The following PCDHGA5 variants were observed in gnomAD, a reference collection of about 807,000 sequenced individuals.
The protein encoded by PCDHGA5 is protocadherin gamma subfamily A, 5.
PCDHGA5 carries 36 observed loss-of-function variants against 56.7 expected under a neutral mutation model. That is an observed-to-expected ratio of 0.64 (90% CI 0.49 to 0.84). PCDHGA5 has a LOEUF of 0.84. Among genes scored for constraint, PCDHGA5 ranks in the 40% least tolerant of loss-of-function variants. The probability of loss-of-function intolerance (pLI) is 0.00; values close to 1 mark genes in which losing one functional copy is unlikely to be tolerated. For missense variants in PCDHGA5, 1,305 were observed against 1,201.5 expected, an observed-to-expected ratio of 1.09 and a Z score of -1.27; for synonymous variants, 563 against 520.2, an observed-to-expected ratio of 1.08 and a Z score of -1.12.
At chr5:141,398,675 A>C (rs1462726875) in intron 1 of PCDHGA5, 1 of 1,613,974 alleles carries the variant, frequency 6.2e-7, no homozygotes, top group Non-Finnish European at 8.5e-7. Flanking sequence ...TTAATAATTA[A>C]GGAGAAACAG....
chr5:141,498,737 G>A (rs1176793634), intron 2 of PCDHGA5, among the ~76,000 whole-genome samples: 1 of 152,076 alleles, frequency 6.6e-6, no homozygotes, highest in African/African-American at 2.4e-5. Context: ...TTTGAGACCA[G>A]CCTGGCCAAC....
Position 141,490,051 on chromosome 5 carries a change from G to C in PCDHGA5, c.2422-4756G>C, listed in dbSNP as rs779280988. 1 of 1,614,214 alleles carries C rather than the reference G, an allele frequency of 6.2e-7. No individual in the cohort carries two copies. The highest frequency in any genetic ancestry group is 1.1e-5 in the South Asian group (1 of 91,082). On this transcript the variant is annotated intron_variant, in intron 1 of 3. Coordinates refer to ENST00000518069, the MANE Select transcript of PCDHGA5 (RefSeq NM_018918.3). The surrounding 1 kb of genome is among the most constrained non-coding windows in gnomAD (Gnocchi z 5.4). Reference sequence around the variant, plus strand: ...CCGCCTCAATGCCACTGATCCAGACGAGGGCACCAACGGCCAACTAGACTA... The same window carrying C: ...CCGCCTCAATGCCACTGATCCAGACCAGGGCACCAACGGCCAACTAGACTA...
In PCDHGA5 at chr5:141,418,400, G is replaced by C; in HGVS notation, c.2421+51649G>C. ...AAGTCCTAACGAGTATTTCTCATTGGTGGAGAAAGACAATCCTGATGGTGG... is the reference window on the plus strand; with the variant it reads ...AAGTCCTAACGAGTATTTCTCATTGCTGGAGAAAGACAATCCTGATGGTGG... On this transcript the variant is annotated intron_variant, in intron 1 of 3. Coordinates refer to ENST00000518069, the MANE Select transcript of PCDHGA5 (RefSeq NM_018918.3). The C allele has an allele frequency of 6.2e-7, 1 of 1,613,900 alleles. No homozygotes were observed. The highest frequency in any genetic ancestry group is 8.5e-7 in the Non-Finnish European group (1 of 1,179,794).
At chr5:141,461,924 A>C (rs930104571) in intron 1 of PCDHGA5, among the ~76,000 whole-genome samples, 1 of 152,100 alleles carries the variant, frequency 6.6e-6, no homozygotes, top group East Asian at 1.9e-4. Context: ...CCTGGGTTCC[A>C]GCAATTCTCC....
In PCDHGA5 at chr5:141,432,853, C is replaced by A. The variant is rs748301578; in HGVS notation, c.2422-61954C>A. 1.1e-5 allele frequency: 17 copies of A among 1,614,176 alleles called. No homozygotes were observed. Among genetic ancestry groups the A allele is most frequent in the East Asian group, 4.5e-5 (2 of 44,874 alleles). On this transcript the variant is annotated intron_variant, in intron 1 of 3. Transcript: ENST00000518069. The surrounding 1 kb of genome is among the most constrained non-coding windows in gnomAD (Gnocchi z 6.0). ...CTCTGTACCTGGTGGTAGCGGTGGC[C>A]GCGGTCTCCTGCGTCTTCCTGGCCT...
At chr5:141,423,008 C>A in intron 1 of PCDHGA5, 13 of 1,614,214 alleles carry the variant, frequency 8.1e-6, no homozygotes, top group Non-Finnish European at 1.1e-5. Flanking sequence ...AAGGTGGTTG[C>A]GGTGGACAAA....
chr5:141,368,012 T>C (rs1301562712), intron 1 of PCDHGA5, among the ~76,000 whole-genome samples: 2 of 152,238 alleles, frequency 1.3e-5, no homozygotes, highest in Admixed American at 1.3e-4. Flanking sequence ...AATACTGGCC[T>C]ATGTGCCTCA....
At position 141,489,068 on chromosome 5, in the gene PCDHGA5, G is replaced by GGCCCC; in HGVS notation, c.2422-5739_2422-5738insGCCCC. On this transcript the variant is annotated intron_variant, in intron 1 of 3. Coordinates refer to ENST00000518069, the MANE Select transcript of PCDHGA5 (RefSeq NM_018918.3). This position sits in a 1 kb window ranked among gnomAD's most constrained non-coding sequence, Gnocchi z 4.5. ...CTCAAATTCAGCTCCCCTCCCCCCT[G>GGCCCC]CCCACCCCCGCCACTCGGTGACTAA... 3.4e-6 allele frequency: 1 copy of GGCCCC among 291,558 alleles called. No individual in the cohort carries two copies. 18.1% of individuals were successfully genotyped at this position (291,558 alleles called of 1,614,324 possible). A position where few individuals can be genotyped will look rare whatever the true frequency, so the allele number is the denominator to read the frequency against.
At chr5:141,492,834 G>A (rs544218873) in intron 1 of PCDHGA5, among the ~76,000 whole-genome samples, 7 of 152,214 alleles carry the variant, frequency 4.6e-5, no homozygotes, top group African/African-American at 1.7e-4. Context: ...CCTTCCTCCC[G>A]CAGGAAGTGA....
chr5:141,431,537 C>A lies in PCDHGA5; in HGVS notation c.2422-63270C>A, dbSNP rs2097391571. On this transcript the variant is annotated intron_variant, in intron 1 of 3. Transcript: ENST00000518069. This position sits in a 1 kb window ranked among gnomAD's most constrained non-coding sequence, Gnocchi z 4.8. ...TCCGGAGAATCTGGCCTTGGGCACG[C>A]AGCTGCTTGTAGTCAACGCTACCGA... 6.2e-7 allele frequency: 1 copy of A among 1,614,102 alleles called. No individual in the cohort carries two copies. The highest frequency in any genetic ancestry group is 1.3e-5 in the African/African-American group (1 of 75,072).
intron 1 of PCDHGA5, among the ~76,000 whole-genome samples, chr5:141,443,679 A>G (rs1158105871): frequency 6.6e-6 from 1 of 152,268 alleles, no homozygotes; most frequent in African/African-American, 2.4e-5. Flanking sequence ...AGTAGTTTAC[A>G]AACACTTCAA....
At chr5:141,423,841 T>A (rs1413277726) in intron 1 of PCDHGA5, 15 of 1,282,014 alleles carry the variant, frequency 1.2e-5, no homozygotes, top group Non-Finnish European at 1.4e-5. Context: ...ATTACGATAA[T>A]CTTTCAGAAC....
At chr5:141,421,303 G>C in intron 1 of PCDHGA5, 1 of 1,613,660 alleles carries the variant, frequency 6.2e-7, no homozygotes, top group Non-Finnish European at 8.5e-7. Context: ...GACGCTGCGG[G>C]GGTTCCGGGC....
At chr5:141,402,765 C>T (rs2150942715) in intron 1 of PCDHGA5, among the ~76,000 whole-genome samples, 1 of 152,322 alleles carries the variant, frequency 6.6e-6, no homozygotes, top group Admixed American at 6.5e-5. Flanking sequence ...ATCAGGACTC[C>T]ATCCGGATTT....
chr5:141,453,791 A>G (rs979646024), intron 1 of PCDHGA5, among the ~76,000 whole-genome samples: 2 of 152,268 alleles, frequency 1.3e-5, no homozygotes, highest in African/African-American at 2.4e-5. Context: ...ATGGTATATT[A>G]ACTTTGAGTA....
chr5:141,370,637 TG>T (rs1257063256), intron 1 of PCDHGA5: 1 of 1,613,770 alleles, frequency 6.2e-7, no homozygotes, highest in Non-Finnish European at 8.5e-7. Flanking sequence ...GCCCCGAAAA[TG>T]GGAACTTACT....
chr5:141,462,372 C>A (rs2099038225), intron 1 of PCDHGA5, among the ~76,000 whole-genome samples: 1 of 152,096 alleles, frequency 6.6e-6, no homozygotes, highest in African/African-American at 2.4e-5. Flanking sequence ...AGTTTCTATT[C>A]TTTTAAATTC....
chr5:141,413,453 G>A lies in PCDHGA5; in HGVS notation c.2421+46702G>A, dbSNP rs761986113. 1.9e-5 allele frequency: 31 copies of A among 1,613,986 alleles called. 2 individuals carry two copies. In the South Asian group the frequency reaches 3.1e-4, roughly 16 times the overall value. On this transcript the variant is annotated intron_variant, in intron 1 of 3. Coordinates refer to ENST00000518069, the MANE Select transcript of PCDHGA5 (RefSeq NM_018918.3). ...AGCGGCAGCTTGATCACCGCGGGCA[G>A]GATAGACCGGGAGGAGCTCTGCGCT...
rs759045688 is a variant in PCDHGA5 at position 141,395,208 on chromosome 5, G to C, written c.2421+28457G>C. 5.6e-6 allele frequency: 9 copies of C among 1,613,352 alleles called. No individual in the cohort carries two copies. In the Admixed American group the frequency reaches 1.5e-4, roughly 27 times the overall value. ...TTTGTTAACATCCGTAGATTTTCAT[G>C]AATATAAGAATGAAGCTGATCATGG... On this transcript the variant is annotated intron_variant, in intron 1 of 3. Coordinates refer to ENST00000518069, the MANE Select transcript of PCDHGA5 (RefSeq NM_018918.3).
Sources: allele counts gnomAD v4.1 joint callset (sites outside exome capture counted in the v4.1 genomes callset), GRCh38; gene constraint gnomAD v4.1.1; non-coding constraint Gnocchi (gnomAD v3.1); transcripts MANE v1.5; gene names NCBI Gene and HGNC (gene_info 2026-07-23, HGNC 2026-07-21).